Variants in MINDY3 observed in about 807,000 individuals in gnomAD.
MINDY3 encodes the protein MINDY lysine 48 deubiquitinase 3.
A neutral mutation model predicts 69.2 loss-of-function variants in MINDY3; 38 were observed. The observed-to-expected ratio is 0.55, with a 90% confidence interval of 0.42 to 0.72. The LOEUF (loss-of-function observed/expected upper bound fraction) is 0.72, where lower values mean the gene tolerates loss of function less well. Ranked by LOEUF, MINDY3 falls within the 30% of genes least tolerant of loss-of-function variation. The pLI is 0.00. For synonymous variants in MINDY3, 192 were observed against 180.1 expected (o/e 1.07, Z -0.53); for missense variants, 522 against 519.0 (o/e 1.01, Z -0.06).
intron 6 of MINDY3, among the ~76,000 whole-genome samples, chr10:15,835,993 G>A (rs1210069664): frequency 3.9e-5 from 6 of 151,942 alleles, no homozygotes; most frequent in Admixed American, 3.9e-4. Context: ...AAAAGATCTT[G>A]TCACTCCCTT....
At chr10:15,781,400 A>ATT (rs928245923) in intron 14 of MINDY3, among the ~76,000 whole-genome samples, 3 of 147,222 alleles carry the variant, frequency 2.0e-5, no homozygotes, top group African/African-American at 7.5e-5. Flanking sequence ...ATACATATAT[A>ATT]TTATATATAT....
rs778355325 is a variant in MINDY3 at position 15,838,270 on chromosome 10, G to T, written c.419C>A (p.Ala140Asp). The change falls in exon 5 of 15, where the codon GCT becomes GAT. Residue 140 changes from alanine to aspartate, a missense_variant. Ala to Asp is a moderately radical substitution (Grantham distance 126). Coordinates refer to ENST00000277632, the MANE Select transcript of MINDY3 (RefSeq NM_024948.4). ...SCQVEHSSAL[A>D]VEELGFERFH... ...TCGCTCAAAGCCAAGCTCTTCGACA[G>T]CCAAGGCAGCTATACATAAAAGACA... 1.2e-6 allele frequency: 2 copies of T among 1,602,472 alleles called. No homozygotes were observed.
At chr10:15,789,760 G>A (rs1250095153) in intron 11 of MINDY3, among the ~76,000 whole-genome samples, 3 of 152,058 alleles carry the variant, frequency 2.0e-5, no homozygotes, top group Non-Finnish European at 1.5e-5. Context: ...GAATGTCAGT[G>A]ATCCACTGAT....
At chr10:15,835,538 C>G (rs940015355) in intron 6 of MINDY3, among the ~76,000 whole-genome samples, 3 of 152,040 alleles carry the variant, frequency 2.0e-5, no homozygotes, top group Non-Finnish European at 4.4e-5. Context: ...CAACAAGTGA[C>G]ACAATCACTA....
At chr10:15,797,188 G>A (rs1002527589) in intron 10 of MINDY3, among the ~76,000 whole-genome samples, 1 of 152,036 alleles carries the variant, frequency 6.6e-6, no homozygotes, top group African/African-American at 2.4e-5. Context: ...AGTTCTAACT[G>A]AGCCATGAGG....
intron 1 of MINDY3, among the ~76,000 whole-genome samples, chr10:15,854,110 T>C (rs756291363): frequency 1.3e-5 from 2 of 152,142 alleles, no homozygotes; most frequent in Non-Finnish European, 2.9e-5. Flanking sequence ...AAGAGATCTA[T>C]TAAAACTGCA....
At position 15,782,069 on chromosome 10, in the gene MINDY3, T is replaced by C. The variant is rs557655924; in HGVS notation, c.1188+86A>G. The C allele has an allele frequency of 2.0e-3, 1,880 of 932,194 alleles. 1 individual carries two copies. Among genetic ancestry groups the C allele is most frequent in the African/African-American group, 2.6e-3 (153 of 59,992 alleles). 57.7% of individuals were successfully genotyped at this position (932,194 alleles called of 1,614,324 possible). On this transcript the variant is annotated intron_variant, in intron 14 of 14. Coordinates refer to ENST00000277632, the MANE Select transcript of MINDY3 (RefSeq NM_024948.4). ...CTCCTGGAATAATCTTAGGTAGCAA[T>C]TGTACGGGAATCGAACATTGTTACA...
At chr10:15,851,140 T>G (rs1175548670) in intron 1 of MINDY3, among the ~76,000 whole-genome samples, 1 of 152,120 alleles carries the variant, frequency 6.6e-6, no homozygotes, top group Non-Finnish European at 1.5e-5. Context: ...TGTTCCAAGT[T>G]TTGCTTTTCT....
At chr10:15,841,675 A>G in intron 3 of MINDY3, 76 bp from the exon 4 acceptor site, 1 of 857,778 alleles carries the variant, frequency 1.2e-6, no homozygotes, top group South Asian at 2.2e-5. Context: ...AACAATAGTA[A>G]GAATGGGTTA....
chr10:15,840,744 G>C (rs577520855), intron 4 of MINDY3, among the ~76,000 whole-genome samples: 6 of 151,688 alleles, frequency 4.0e-5, no homozygotes, highest in African/African-American at 1.4e-4. Flanking sequence ...CTCTTAACTA[G>C]CTTCCGTACC....
chr10:15,848,064 A>AATT, intron 1 of MINDY3, 121 bp from the exon 2 acceptor site: 1 of 775,116 alleles, frequency 1.3e-6, no homozygotes, highest in South Asian at 1.6e-5. Flanking sequence ...TCTTCAAATC[A>AATT]TGAGGTGTGG....
chr10:15,834,089 AAAG>A (rs1158673201), intron 7 of MINDY3, among the ~76,000 whole-genome samples: 28 of 152,028 alleles, frequency 1.8e-4, no homozygotes, highest in Non-Finnish European at 2.8e-4. Context: ...AAAGGTCTAA[AAAG>A]AAGGACTCAC....
At chr10:15,793,250 AC>A (rs1239658466) in intron 11 of MINDY3, among the ~76,000 whole-genome samples, 1 of 152,040 alleles carries the variant, frequency 6.6e-6, no homozygotes, top group Non-Finnish European at 1.5e-5. Context: ...CTTTGAATAG[AC>A]CTGATAACTG....
chr10:15,857,157 C>G (rs1253593930), intron 1 of MINDY3, among the ~76,000 whole-genome samples: 1 of 152,022 alleles, frequency 6.6e-6, no homozygotes, highest in African/African-American at 2.4e-5. Context: ...TTCCTTTATT[C>G]CCCCTCCTGC....
At chr10:15,780,469 C>T (rs1012646906) in intron 14 of MINDY3, among the ~76,000 whole-genome samples, 2 of 152,110 alleles carry the variant, frequency 1.3e-5, no homozygotes, top group African/African-American at 2.4e-5. Context: ...TAAATACAAT[C>T]GGCCCTATTT....
At chr10:15,822,560 G>C (rs1839841185) in intron 8 of MINDY3, among the ~76,000 whole-genome samples, 2 of 152,174 alleles carry the variant, frequency 1.3e-5, no homozygotes, top group African/African-American at 4.8e-5. Flanking sequence ...TTTCTGGTCT[G>C]GGGGGACATG....
intron 10 of MINDY3, among the ~76,000 whole-genome samples, chr10:15,798,102 C>A (rs146191219): frequency 6.6e-5 from 10 of 151,950 alleles, no homozygotes; most frequent in Non-Finnish European, 1.3e-4. Context: ...CCTTTTTTTG[C>A]GGTCACCAAT....
At chr10:15,829,135 C>A (rs1840287795) in intron 8 of MINDY3, among the ~76,000 whole-genome samples, 1 of 152,004 alleles carries the variant, frequency 6.6e-6, no homozygotes, top group South Asian at 2.1e-4. Context: ...ATGAAGCCGA[C>A]TGAGGTAAAG....
chr10:15,830,340 T>A (rs1421401042), intron 8 of MINDY3, among the ~76,000 whole-genome samples: 1 of 152,178 alleles, frequency 6.6e-6, no homozygotes, highest in Non-Finnish European at 1.5e-5. Context: ...TTTTTGCCAT[T>A]TTCTCACCTC....
Sources: gnomAD v4.1 joint callset for allele counts (sites outside exome capture counted in the v4.1 genomes callset) on GRCh38, gnomAD v4.1.1 for gene constraint, MANE v1.5 for transcripts, NCBI Gene and HGNC (gene_info 2026-07-23, HGNC 2026-07-21) for gene names.